RDH10: variants seen among roughly 807,000 people sequenced by gnomAD.
The protein encoded by RDH10 is retinol dehydrogenase 10 (all-trans).
In RDH10, 12 loss-of-function variants were observed where a neutral mutation model predicts 30.2. The ratio of observed to expected loss-of-function variants is 0.40; its 90% confidence interval spans 0.25 to 0.64. The LOEUF is 0.64. Ranked by LOEUF, RDH10 falls within the 30% of genes least tolerant of loss-of-function variation. RDH10 has a pLI of 0.43. For synonymous variants in RDH10, 189 were observed against 172.2 expected (o/e 1.10, Z -0.76); for missense variants, 268 against 445.2 (o/e 0.60, Z 3.58).
At chr8:73,312,948 G>A (rs1814595389) in intron 2 of RDH10, 1 of 152,166 alleles carries the variant, frequency 6.6e-6, no homozygotes, top group Non-Finnish European at 1.5e-5. Context: ...AAATAATAAG[G>A]CCTTCTCCTA....
rs1473900295 is a variant in RDH10 at position 73,295,250 on chromosome 8, G to A, written c.-40G>A. On this transcript the variant is annotated 5_prime_UTR_variant, in exon 1 of 6. Coordinates refer to ENST00000240285, the MANE Select transcript of RDH10 (RefSeq NM_172037.5). ...GATTGCCGGGCTCGGGGTGGGCGCG[G>A]ACGCAGGCACTGGGCTCGTGCGGGG... 6.6e-7 allele frequency: 1 copy of A among 1,508,256 alleles called. No homozygotes were observed. 93.4% of individuals were successfully genotyped at this position (1,508,256 alleles called of 1,614,324 possible).
intron 4 of RDH10, chr8:73,321,935 C>T (rs1370857341): frequency 2.2e-6 from 1 of 456,208 alleles, no homozygotes; most frequent in Non-Finnish European, 4.4e-6. Context: ...TGCCTCTTAT[C>T]CCACACATGT....
chr8:73,305,125 C>T (rs931746164), intron 2 of RDH10, among the ~76,000 whole-genome samples: 3 of 152,238 alleles, frequency 2.0e-5, no homozygotes, highest in African/African-American at 7.2e-5. Flanking sequence ...AGACTGAATG[C>T]AGAGTGCCCC....
rs1272548903 is a variant in RDH10 at position 73,324,228 on chromosome 8, A to G, written c.*1192A>G. ...AGAGGAAGAAATCTTATTCTATGGCATATGTATGGAAGGGTGTAAAGATTC... is the reference window on the plus strand; with the variant it reads ...AGAGGAAGAAATCTTATTCTATGGCGTATGTATGGAAGGGTGTAAAGATTC... On this transcript the variant is annotated 3_prime_UTR_variant, in exon 6 of 6. Coordinates refer to ENST00000240285, the MANE Select transcript of RDH10 (RefSeq NM_172037.5). 2 of 152,672 alleles carry G rather than the reference A, an allele frequency of 1.3e-5. No homozygotes were observed. The highest frequency in any genetic ancestry group is 4.8e-5 in the African/African-American group (2 of 41,474). 9.5% of individuals were successfully genotyped at this position (152,672 alleles called of 1,614,324 possible).
At chr8:73,319,675 G>A (rs1814732547) in intron 3 of RDH10, among the ~76,000 whole-genome samples, 1 of 152,240 alleles carries the variant, frequency 6.6e-6, no homozygotes, top group East Asian at 1.9e-4. Flanking sequence ...ACGATGGCAG[G>A]AGGCACAGGG....
At position 73,295,215 on chromosome 8, in the gene RDH10, C is replaced by A; in HGVS notation, c.-75C>A. ...GGCCTCTGTGACAAGCGCCCCGGAG[C>A]CGGGAGCCCGATTGCCGGGCTCGGG... On this transcript the variant is annotated 5_prime_UTR_variant, in exon 1 of 6. Transcript: ENST00000240285. The A allele has an allele frequency of 7.3e-7, 1 of 1,363,454 alleles. No homozygotes were observed. The highest frequency in any genetic ancestry group is 2.6e-5 in the Admixed American group (1 of 37,746). 84.5% of individuals were successfully genotyped at this position (1,363,454 alleles called of 1,614,324 possible).
At chr8:73,305,818 A>T (rs1409129314) in intron 2 of RDH10, among the ~76,000 whole-genome samples, 1 of 152,214 alleles carries the variant, frequency 6.6e-6, no homozygotes, top group Non-Finnish European at 1.5e-5. Flanking sequence ...GTATGACAAA[A>T]TCTAATAGTC....
chr8:73,319,516 C>T (rs185370819), intron 3 of RDH10, among the ~76,000 whole-genome samples: 1 of 152,210 alleles, frequency 6.6e-6, no homozygotes, highest in Non-Finnish European at 1.5e-5. Flanking sequence ...TAGAGCAAGA[C>T]CCTGTCTCTA....
At chr8:73,319,861 A>T (rs1814734981) in intron 3 of RDH10, among the ~76,000 whole-genome samples, 1 of 152,070 alleles carries the variant, frequency 6.6e-6, no homozygotes, top group African/African-American at 2.4e-5. Flanking sequence ...ATTTCATCAA[A>T]CCCTGTTCTT....
intron 2 of RDH10, among the ~76,000 whole-genome samples, chr8:73,301,341 C>T (rs529118142): frequency 1.3e-4 from 20 of 151,602 alleles, no homozygotes; most frequent in South Asian, 4.2e-4. Flanking sequence ...TGAGCCACCG[C>T]GCCCGGCCAA....
At chr8:73,297,042 G>GTCGT (rs1814280032) in intron 1 of RDH10, 152 bp from the exon 2 acceptor site, 5 of 624,920 alleles carry the variant, frequency 8.0e-6, no homozygotes, top group Non-Finnish European at 1.5e-5. Context: ...GTAAAGCTCA[G>GTCGT]TCGTTGGCAA....
At chr8:73,301,037 CTA>C (rs1181793955) in intron 2 of RDH10, among the ~76,000 whole-genome samples, 122 of 127,820 alleles carry the variant, frequency 9.5e-4, no homozygotes, top group African/African-American at 3.0e-3. Flanking sequence ...GAACAAAACT[CTA>C]TTCTTTTTTT....
chr8:73,315,511 G>A (rs907078843), intron 2 of RDH10: 16 of 439,128 alleles, frequency 3.6e-5, no homozygotes, highest in African/African-American at 3.0e-4. Flanking sequence ...TCAGAACGTT[G>A]CAACAAATTA....
intron 3 of RDH10, among the ~76,000 whole-genome samples, chr8:73,320,247 A>G (rs542011582): frequency 1.3e-5 from 2 of 152,362 alleles, no homozygotes; most frequent in East Asian, 3.9e-4. Flanking sequence ...GACCATTTGT[A>G]AATTTTCCAG....
At chr8:73,315,496 C>T (rs1462946875) in intron 2 of RDH10, 9 of 411,712 alleles carry the variant, frequency 2.2e-5, no homozygotes, top group Non-Finnish European at 4.5e-5. Flanking sequence ...GGATATTAAT[C>T]AGTTTCAGAA....
At chr8:73,311,995 A>G (rs1334638923) in intron 2 of RDH10, 1 of 146,230 alleles carries the variant, frequency 6.8e-6, no homozygotes, top group Admixed American at 6.8e-5. Context: ...GTAATTTTGT[A>G]ATGAAGATTT....
chr8:73,301,199 C>T (rs903120854), intron 2 of RDH10, among the ~76,000 whole-genome samples: 17 of 149,380 alleles, frequency 1.1e-4, no homozygotes, highest in Non-Finnish European at 2.1e-4. Context: ...TACAGGCGCC[C>T]GCTACCACGC....
At chr8:73,321,768 G>A (rs1027877433) in intron 4 of RDH10, 1 of 455,206 alleles carries the variant, frequency 2.2e-6, no homozygotes, top group Non-Finnish European at 4.4e-6. Flanking sequence ...GAGTTTGAAA[G>A]GCAAAGGAAG....
At position 73,295,507 on chromosome 8, in the gene RDH10, A is replaced by G; in HGVS notation, c.218A>G (p.Asn73Ser). ...LVLWDINTQSNEETAGMVRHI... is the reference protein window; with the variant it reads ...LVLWDINTQSSEETAGMVRHI... The stretch of plus-strand genomic sequence containing the variant: ...CTGTGGGACATCAACACGCAAAGCA[A>G]CGAGGAGACGGCTGGCATGGTGCGC... The change falls in exon 1 of 6, where the codon AAC becomes AGC. Residue 73 changes from asparagine (N) to serine (S), a missense_variant. Transcript: ENST00000240285. The G allele has an allele frequency of 6.4e-7, 1 of 1,556,656 alleles. No homozygotes were observed. The highest frequency in any genetic ancestry group is 8.7e-7 in the Non-Finnish European group (1 of 1,151,576).
Sources: gnomAD v4.1 joint callset for allele counts (sites outside exome capture counted in the v4.1 genomes callset) on GRCh38, gnomAD v4.1.1 for gene constraint, MANE v1.5 for transcripts, NCBI Gene and HGNC (gene_info 2026-07-23, HGNC 2026-07-21) for gene names.